Variants in ELMO1 observed in about 807,000 individuals in gnomAD.
The protein encoded by ELMO1 is engulfment and cell motility protein 1.
ELMO1 carries 26 observed loss-of-function variants against 98.9 expected under a neutral mutation model. The ratio of observed to expected loss-of-function variants is 0.26; its 90% CI spans 0.19 to 0.36. The LOEUF is 0.36. Ranked by LOEUF, ELMO1 falls within the 10% of genes least tolerant of loss-of-function variation. The pLI is 1.00. For missense variants in ELMO1, 627 were observed against 935.2 expected, an observed-to-expected ratio of 0.67 and a Z score of 4.30; for synonymous variants, 346 against 346.0, an observed-to-expected ratio of 1.00 and a Z score of 0.00.
intron 6 of ELMO1, among the ~76,000 whole-genome samples, chr7:37,256,255 T>A (rs934221203): frequency 7.2e-5 from 11 of 152,124 alleles, no homozygotes; most frequent in African/African-American, 2.7e-4. Flanking sequence ...AGAGGTTTCG[T>A]CATCCTTGAA....
intron 15 of ELMO1, among the ~76,000 whole-genome samples, chr7:37,052,431 T>C (rs12535415): frequency 0.24 from 36,957 of 152,098 alleles, 5,405 homozygotes; most frequent in African/African-American, 0.41. Flanking sequence ...ATTTTTGTAT[T>C]TATTCTATCA....
intron 1 of ELMO1, among the ~76,000 whole-genome samples, chr7:37,345,600 G>A (rs1800961888): frequency 6.6e-6 from 1 of 151,688 alleles, no homozygotes; most frequent in South Asian, 2.1e-4. Flanking sequence ...GCAGCTACTC[G>A]GGAGGCTGTG....
At chr7:37,080,229 A>G (rs142846493) in intron 15 of ELMO1, among the ~76,000 whole-genome samples, 86 of 152,214 alleles carry the variant, frequency 5.6e-4, no homozygotes, top group African/African-American at 2.0e-3. Context: ...ATCATCTCTC[A>G]ACTTGCTTAT....
Position 37,222,808 on chromosome 7 carries a change from G to C in ELMO1, c.702-115C>G, listed in dbSNP as rs1793668953. ...CCCCCTCCCCCCAAAAAAAGTGAGA[G>C]AGAAAGGCAGGGCCTAGAAAATGCA... On this transcript the variant is annotated intron_variant, in intron 9 of 21. Transcript: ENST00000310758. 1.9e-5 allele frequency: 16 copies of C among 856,620 alleles called. No individual in the cohort carries two copies. In the South Asian group the frequency reaches 2.6e-4, roughly 14 times the overall value. 53.1% of individuals were successfully genotyped at this position (856,620 alleles called of 1,614,324 possible).
chr7:37,290,243 A>G (rs1797605106), intron 4 of ELMO1, among the ~76,000 whole-genome samples: 1 of 152,208 alleles, frequency 6.6e-6, no homozygotes, highest in African/African-American at 2.4e-5. Flanking sequence ...GTTTTTTAGT[A>G]TTAAAAAAAA....
At chr7:37,147,496 A>T (rs1426942665) in intron 13 of ELMO1, among the ~76,000 whole-genome samples, 1 of 152,184 alleles carries the variant, frequency 6.6e-6, no homozygotes, top group Non-Finnish European at 1.5e-5. Context: ...TCCAAGTGTC[A>T]CTAAGGGAAT....
intron 13 of ELMO1, among the ~76,000 whole-genome samples, chr7:37,165,618 T>C (rs1789618247): frequency 6.6e-6 from 1 of 152,112 alleles, no homozygotes; most frequent in Non-Finnish European, 1.5e-5. Context: ...TCTTTGGTTC[T>C]GTTTATATGC....
intron 13 of ELMO1, among the ~76,000 whole-genome samples, chr7:37,207,481 A>C (rs1031145949): frequency 2.6e-5 from 4 of 151,882 alleles, no homozygotes; most frequent in Non-Finnish European, 5.9e-5. Flanking sequence ...AACCTGGGAG[A>C]TGGAGGTTAC....
At chr7:37,278,038 T>G (rs1220043916) in intron 4 of ELMO1, among the ~76,000 whole-genome samples, 1 of 151,852 alleles carries the variant, frequency 6.6e-6, no homozygotes, top group African/African-American at 2.4e-5. Context: ...GACCCATGCA[T>G]GCTTTGAAAG....
At chr7:37,235,623 AAC>A (rs1794417856) in intron 7 of ELMO1, among the ~76,000 whole-genome samples, 1 of 152,174 alleles carries the variant, frequency 6.6e-6, no homozygotes, top group African/African-American at 2.4e-5. Context: ...GTGGCAGAGA[AAC>A]ACACACACTA....
At chr7:37,046,977 C>A (rs1795830292) in intron 15 of ELMO1, among the ~76,000 whole-genome samples, 1 of 152,118 alleles carries the variant, frequency 6.6e-6, no homozygotes. Flanking sequence ...TGTTTACAAG[C>A]CAGATTCACT....
chr7:36,861,860 A>C, intron 20 of ELMO1, 124 bp from the exon 21 acceptor site: 1 of 845,188 alleles, frequency 1.2e-6, no homozygotes, highest in Non-Finnish European at 2.0e-6. Context: ...AGCTGCAATG[A>C]GGCTGATGGA....
Position 36,894,863 on chromosome 7 carries a change from C to A in ELMO1, c.1592G>T (p.Arg531Leu), listed in dbSNP as rs754271181. ...ERMNQEDFQS[R>L]PILELKEKIQ... is the part of the protein sequence containing the mutation. The stretch of plus-strand genomic sequence containing the variant: ...ATACTAGGTAACTTACAAAATCGGG[C>A]GGGACTGGAAATCTTCCTGGTTCAT... Residue 531 changes from arginine to leucine, a missense_variant, in exon 17 of 22, where the codon CGC (arginine) becomes CTC (leucine). Physicochemically the swap from Arg to Leu is moderately radical, Grantham distance 102 (BLOSUM62 -2). Coordinates refer to ENST00000310758, the MANE Select transcript of ELMO1 (RefSeq NM_014800.11). The A allele has an allele frequency of 6.2e-7, 1 of 1,614,074 alleles. No individual in the cohort carries two copies. Among genetic ancestry groups the A allele is most frequent in the Non-Finnish European group, 8.5e-7 (1 of 1,179,984 alleles).
At chr7:37,286,165 T>C (rs910489979) in intron 4 of ELMO1, among the ~76,000 whole-genome samples, 1 of 152,136 alleles carries the variant, frequency 6.6e-6, no homozygotes, top group Admixed American at 6.5e-5. Context: ...ATGCAAATAG[T>C]GGTCTGTGGA....
chr7:36,870,315 T>C lies in ELMO1; in HGVS notation c.1905+78A>G. The C allele has an allele frequency of 2.3e-6, 3 of 1,292,140 alleles. No individual in the cohort carries two copies. The highest frequency in any genetic ancestry group is 2.2e-6 in the Non-Finnish European group (2 of 893,458). 80.0% of individuals were successfully genotyped at this position (1,292,140 alleles called of 1,614,324 possible). A position where few individuals can be genotyped will look rare whatever the true frequency, so the allele number is the denominator to read the frequency against. On this transcript the variant is annotated intron_variant, in intron 20 of 21. Coordinates refer to ENST00000310758, the MANE Select transcript of ELMO1 (RefSeq NM_014800.11). The surrounding 1 kb of genome is among the most constrained non-coding windows in gnomAD (Gnocchi z 4.4). Reference sequence around the variant, plus strand: ...ACACGCACACACACGAACACTGCTATAAAGGAGGGCTAGGCTGGCTGCAGT... The same window carrying C: ...ACACGCACACACACGAACACTGCTACAAAGGAGGGCTAGGCTGGCTGCAGT...
At chr7:37,132,014 C>T (rs1786955988) in intron 14 of ELMO1, among the ~76,000 whole-genome samples, 1 of 152,178 alleles carries the variant, frequency 6.6e-6, no homozygotes, top group Non-Finnish European at 1.5e-5. Flanking sequence ...CACCACTAGG[C>T]ATGGTGACAA....
intron 16 of ELMO1, among the ~76,000 whole-genome samples, chr7:36,940,383 A>G (rs899378116): frequency 2.0e-5 from 3 of 152,214 alleles, no homozygotes; most frequent in African/African-American, 4.8e-5. Flanking sequence ...GTGGGACTTA[A>G]GGAGAATAGG....
intron 14 of ELMO1, among the ~76,000 whole-genome samples, chr7:37,122,689 G>C (rs1176033284): frequency 2.0e-5 from 3 of 152,122 alleles, no homozygotes; most frequent in Non-Finnish European, 4.4e-5. Flanking sequence ...AATAATGGGA[G>C]ACTTTAACAC....
intron 16 of ELMO1, among the ~76,000 whole-genome samples, chr7:36,920,845 T>C (rs1470267515): frequency 2.0e-5 from 3 of 152,206 alleles, no homozygotes; most frequent in Non-Finnish European, 4.4e-5. Flanking sequence ...ATCCTTTTTA[T>C]AGGTCTCCAT....
Sources: gnomAD v4.1 joint callset for allele counts (sites outside exome capture counted in the v4.1 genomes callset) on GRCh38, gnomAD v4.1.1 for gene constraint, Gnocchi (gnomAD v3.1) non-coding constraint, MANE v1.5 for transcripts, NCBI Gene and HGNC (gene_info 2026-07-23, HGNC 2026-07-21) for gene names.